The following RGL1 variants were observed in gnomAD, a reference collection of about 807,000 sequenced individuals.
RGL1 encodes the protein ral guanine nucleotide dissociation stimulator-like 1.
In RGL1, 24 loss-of-function variants were observed where a neutral mutation model predicts 95.2. The ratio of observed to expected loss-of-function variants is 0.25; its 90% CI spans 0.18 to 0.35. The LOEUF (loss-of-function observed/expected upper bound fraction) is 0.35, where lower values mean the gene tolerates loss of function less well. Ranked by LOEUF, RGL1 falls within the 10% of genes least tolerant of loss-of-function variation. The probability of loss-of-function intolerance (pLI) is 1.00; values close to 1 mark genes in which losing one functional copy is unlikely to be tolerated. For missense variants in RGL1, 715 were observed against 936.3 expected (o/e 0.76, Z 3.08); for synonymous variants, 329 against 344.9 (o/e 0.95, Z 0.51).
At chr1:183,806,163 T>C (rs1661321599) in intron 1 of RGL1, among the ~76,000 whole-genome samples, 1 of 151,956 alleles carries the variant, frequency 6.6e-6, no homozygotes, top group African/African-American at 2.4e-5. Context: ...AGTCAGGGGA[T>C]CCTGATACCA....
chr1:183,800,427 C>T (rs1299683268), upstream of RGL1, among the ~76,000 whole-genome samples: 3 of 152,052 alleles, frequency 2.0e-5, no homozygotes, highest in Admixed American at 6.6e-5. Flanking sequence ...TCTTCCATAC[C>T]TCTTTCCTCT....
intron 1 of RGL1, among the ~76,000 whole-genome samples, chr1:183,738,378 G>A (rs1003599917): frequency 2.6e-5 from 4 of 151,080 alleles, no homozygotes; most frequent in Admixed American, 1.3e-4. Flanking sequence ...CTGAGATCAC[G>A]CCACTGCATT....
At chr1:183,922,158 C>A in intron 16 of RGL1, 64 bp from the exon 17 acceptor site, 1 of 1,312,758 alleles carries the variant, frequency 7.6e-7, no homozygotes, top group South Asian at 1.2e-5. Context: ...ATGAGAGGGT[C>A]AGGAGAACTC....
chr1:183,653,710 G>A (rs1470197144), intron 1 of RGL1, among the ~76,000 whole-genome samples: 1 of 152,206 alleles, frequency 6.6e-6, no homozygotes, highest in Non-Finnish European at 1.5e-5. Flanking sequence ...TCTAAACCTA[G>A]GCTATGTGTT....
chr1:183,877,599 G>A (rs1320954587), intron 4 of RGL1, among the ~76,000 whole-genome samples: 3 of 152,140 alleles, frequency 2.0e-5, no homozygotes, highest in Non-Finnish European at 4.4e-5. Flanking sequence ...TCTGCCTCGT[G>A]TTCTATTGTG....
chr1:183,867,638 T>C (rs911796471), intron 4 of RGL1, among the ~76,000 whole-genome samples: 2 of 151,652 alleles, frequency 1.3e-5, no homozygotes, highest in Non-Finnish European at 2.9e-5. Context: ...TTTTTGGTTG[T>C]ATATGTGTTT....
At chr1:183,875,851 C>T (rs1416823450) in intron 4 of RGL1, among the ~76,000 whole-genome samples, 2 of 145,142 alleles carry the variant, frequency 1.4e-5, no homozygotes, top group Non-Finnish European at 3.0e-5. Context: ...TGCACTCCAG[C>T]CTGGGCGACA....
chr1:183,884,297 T>G (rs1666994756), intron 6 of RGL1, among the ~76,000 whole-genome samples: 1 of 152,162 alleles, frequency 6.6e-6, no homozygotes, highest in African/African-American at 2.4e-5. Flanking sequence ...TAAAATAAAT[T>G]CACAGAATCC....
intron 1 of RGL1, among the ~76,000 whole-genome samples, chr1:183,738,729 C>T (rs189973126): frequency 3.5e-4 from 53 of 152,088 alleles, no homozygotes; most frequent in Non-Finnish European, 6.6e-4. Flanking sequence ...GGTAAAATCT[C>T]GTCTCTGTTA....
intron 1 of RGL1, among the ~76,000 whole-genome samples, chr1:183,660,372 G>A (rs1157185695): frequency 6.6e-6 from 1 of 151,148 alleles, no homozygotes; most frequent in East Asian, 1.9e-4. Flanking sequence ...GATCTACCAA[G>A]CAAATGCAAA....
At chr1:183,810,681 T>C (rs1661647736) in intron 2 of RGL1, among the ~76,000 whole-genome samples, 1 of 152,242 alleles carries the variant, frequency 6.6e-6, no homozygotes, top group Admixed American at 6.5e-5. Context: ...ACATCTGGAT[T>C]GAGAAGTTGA....
chr1:183,844,659 T>A (rs1470871811), intron 2 of RGL1, among the ~76,000 whole-genome samples: 1 of 152,218 alleles, frequency 6.6e-6, no homozygotes, highest in Non-Finnish European at 1.5e-5. Flanking sequence ...AAACCATATA[T>A]CTTTTTCACT....
chr1:183,652,472 C>T (rs1162771961), intron 1 of RGL1, among the ~76,000 whole-genome samples: 4 of 152,222 alleles, frequency 2.6e-5, no homozygotes, highest in Non-Finnish European at 5.9e-5. Flanking sequence ...TGATCACCCT[C>T]ATCTGAAGAG....
intron 17 of RGL1, 64 bp downstream of exon 17, chr1:183,922,400 T>G: frequency 8.4e-7 from 1 of 1,194,546 alleles, no homozygotes; most frequent in Non-Finnish European, 1.2e-6. Flanking sequence ...ATGTCCACAG[T>G]GCTCCGCGTT....
At chr1:183,687,683 A>G (rs1015872434) in intron 1 of RGL1, among the ~76,000 whole-genome samples, 1 of 152,180 alleles carries the variant, frequency 6.6e-6, no homozygotes, top group Non-Finnish European at 1.5e-5. Flanking sequence ...ATGTGCTTCA[A>G]CAATGATGTA....
intron 3 of RGL1, among the ~76,000 whole-genome samples, chr1:183,856,141 A>G (rs1187587894): frequency 6.6e-6 from 1 of 152,170 alleles, no homozygotes; most frequent in East Asian, 1.9e-4. Flanking sequence ...TATCCTGACT[A>G]GGGTGAGAAT....
At chr1:183,749,261 A>G (rs1657846342) in intron 2 of RGL1, among the ~76,000 whole-genome samples, 1 of 152,114 alleles carries the variant, frequency 6.6e-6, no homozygotes, top group Non-Finnish European at 1.5e-5. Context: ...TCTAAGTCTC[A>G]TTGTAGGTCT....
intron 3 of RGL1, among the ~76,000 whole-genome samples, chr1:183,863,402 C>T (rs1015875787): frequency 1.3e-5 from 2 of 151,956 alleles, no homozygotes; most frequent in African/African-American, 4.8e-5. Context: ...CTCCTGGGCT[C>T]AGGAGATCCT....
chr1:183,764,763 C>T (rs1658879868), intron 2 of RGL1, among the ~76,000 whole-genome samples: 1 of 152,118 alleles, frequency 6.6e-6, no homozygotes, highest in Admixed American at 6.6e-5. Context: ...TAATTTAATA[C>T]CATAGTTTTC....
Sources: gnomAD v4.1 joint callset for allele counts (sites outside exome capture counted in the v4.1 genomes callset) on GRCh38, gnomAD v4.1.1 for gene constraint, MANE v1.5 for transcripts, NCBI Gene and HGNC (gene_info 2026-07-23, HGNC 2026-07-21) for gene names.